Variants in CCDC197 observed in about 807,000 individuals in gnomAD.
CCDC197 encodes coiled-coil domain containing 197.
Under a neutral mutation model 13.4 loss-of-function variants are expected in CCDC197, and 24 were observed. The observed-to-expected ratio is 1.80, with a 90% CI of 1.30 to 2.53. The LOEUF (loss-of-function observed/expected upper bound fraction) is 2.53. Among genes scored for constraint, CCDC197 ranks in the 30% most tolerant of loss-of-function variants. The pLI is 0.00. For missense variants in CCDC197, 255 were observed against 148.8 expected (o/e 1.71, Z -3.71); for synonymous variants, 99 against 55.5 (o/e 1.78, Z -3.48).
upstream of CCDC197, among the ~76,000 whole-genome samples, chr14:93,994,898 C>A (rs1435839679): frequency 6.6e-6 from 1 of 152,188 alleles, no homozygotes; most frequent in Non-Finnish European, 1.5e-5. Flanking sequence ...GTGGGACCCC[C>A]TATCCATCAC....
At position 94,005,076 on chromosome 14, in the gene CCDC197, C is replaced by A. The variant is rs896767161; in HGVS notation, c.615+105C>A. On this transcript the variant is annotated intron_variant, in intron 6 of 6. Coordinates refer to ENST00000636493, the MANE Select transcript of CCDC197 (RefSeq NM_001351596.2). ...CAGGCTGCATTTGTGTTTAGCCCCC[C>A]ATCAGCTCTTCTTTCCATAGCTACA... 2.4e-5 allele frequency: 15 copies of A among 622,376 alleles called. 1 individual carries two copies. In the South Asian group the frequency reaches 2.6e-4, roughly 11 times the overall value. The allele number at this position is 622,376 out of a possible 1,614,324, so 38.6% of individuals were successfully genotyped here.
At chr14:94,008,294 G>A (rs2141392582) in intron 6 of CCDC197, among the ~76,000 whole-genome samples, 1 of 152,312 alleles carries the variant, frequency 6.6e-6, no homozygotes, top group Non-Finnish European at 1.5e-5. Flanking sequence ...GAGGGAGGCT[G>A]GGGACAGTCA....
rs1356741662 is a variant in CCDC197, at chr14:94,003,992, T to G, written c.498+638T>G. 6.6e-6 allele frequency among the ~76,000 whole-genome samples: 1 copy of G among 152,218 alleles called. No individual in the cohort carries two copies. Among genetic ancestry groups the G allele is most frequent in the Non-Finnish European group, 1.5e-5 (1 of 68,044 alleles). On this transcript the variant is annotated intron_variant, in intron 5 of 6. Transcript: ENST00000636493. The surrounding 1 kb of genome is among the most constrained non-coding windows in gnomAD (Gnocchi z 5.0). ...TGTACTGTCTTCAGTAAGGCTGGTG[T>G]CTCTCTGATCAGAGAGTCTGACCTG...
chr14:93,998,397 A>C (rs1350554213), intron 2 of CCDC197, among the ~76,000 whole-genome samples, 162 bp downstream of exon 2: 1 of 152,222 alleles, frequency 6.6e-6, no homozygotes, highest in East Asian at 1.9e-4. Flanking sequence ...GCTGAGCAAC[A>C]GCTGTGACGG....
At chr14:94,002,870 AAATT>A (rs1567043757) in intron 4 of CCDC197, among the ~76,000 whole-genome samples, 3 of 148,432 alleles carry the variant, frequency 2.0e-5, no homozygotes, top group African/African-American at 7.5e-5. Context: ...AAAAAAAACA[AAATT>A]ATAAAGAAAA....
chr14:94,007,260 C>A (rs2141389050), intron 6 of CCDC197: 1 of 152,304 alleles, frequency 6.6e-6, no homozygotes, highest in East Asian at 1.9e-4. Flanking sequence ...TTTTGCTCTA[C>A]TGTTTAGGTC....
intron 4 of CCDC197, among the ~76,000 whole-genome samples, chr14:94,002,297 A>AT (rs1238934738): frequency 9.6e-5 from 13 of 135,786 alleles, no homozygotes; most frequent in African/African-American, 3.3e-4. Flanking sequence ...TCTTTCTTTC[A>AT]TTTTTTTGGG....
chr14:93,995,483 T>A (rs1890265471), upstream of CCDC197, among the ~76,000 whole-genome samples: 1 of 152,128 alleles, frequency 6.6e-6, no homozygotes, highest in South Asian at 2.1e-4. Flanking sequence ...TCCCTGAGCC[T>A]CCATGGAGGA....
At chr14:94,009,067 A>C (rs1890766047), downstream of CCDC197, among the ~76,000 whole-genome samples, 1 of 152,170 alleles carries the variant, frequency 6.6e-6, no homozygotes, top group East Asian at 1.9e-4. Flanking sequence ...CCAGGCTGGA[A>C]GATCCTGGGC....
chr14:93,994,745 G>T (rs1015669053), upstream of CCDC197, among the ~76,000 whole-genome samples: 1 of 152,156 alleles, frequency 6.6e-6, no homozygotes, highest in Non-Finnish European at 1.5e-5. Flanking sequence ...TGGAATTTTT[G>T]AGCGTGGGAA....
intron 3 of CCDC197, chr14:94,000,860 G>C: frequency 3.1e-6 from 1 of 318,540 alleles, no homozygotes; most frequent in Admixed American, 5.0e-5. Context: ...TCTCCTTGAG[G>C]GCAGTCTCCC....
chr14:94,001,451 T>TG, intron 4 of CCDC197, 128 bp downstream of exon 4: 1 of 554,222 alleles, frequency 1.8e-6, no homozygotes, highest in Non-Finnish European at 3.2e-6. Context: ...GGGCCCTCGG[T>TG]GGGGCTGTCG....
chr14:93,990,597 G>A (rs1386478612), intron 1 of CCDC197, among the ~76,000 whole-genome samples: 1 of 152,206 alleles, frequency 6.6e-6, no homozygotes, highest in Non-Finnish European at 1.5e-5. Context: ...CCAAGGTCAG[G>A]TAGTCCCATG....
At chr14:93,991,760 G>C (rs557826564) in intron 1 of CCDC197, among the ~76,000 whole-genome samples, 78 of 152,302 alleles carry the variant, frequency 5.1e-4, no homozygotes, top group Middle Eastern at 3.4e-3. Context: ...GGAGGAGCTG[G>C]GATCTGGAAG....
chr14:93,996,780 C>T (rs1890325940), upstream of CCDC197, among the ~76,000 whole-genome samples: 1 of 152,170 alleles, frequency 6.6e-6, no homozygotes, highest in South Asian at 2.1e-4. Context: ...GGGCAAGAGG[C>T]CCAGCCCTCC....
At chr14:93,997,070 G>C (rs1890337646), upstream of CCDC197, 1 of 152,292 alleles carries the variant, frequency 6.6e-6, no homozygotes, top group South Asian at 2.1e-4. Context: ...GACCAGCCTT[G>C]ACAGAAAGGA....
intron 6 of CCDC197, among the ~76,000 whole-genome samples, chr14:94,005,978 T>G (rs1267842380): frequency 6.6e-6 from 1 of 152,242 alleles, no homozygotes; most frequent in African/African-American, 2.4e-5. Flanking sequence ...GTACACATTT[T>G]TATGCAGAGA....
chr14:94,001,845 C>T (rs1399744983), intron 4 of CCDC197: 1 of 152,714 alleles, frequency 6.5e-6, no homozygotes, highest in African/African-American at 2.4e-5. Context: ...GGCGTGGCAT[C>T]ATGAAGATTC....
Position 94,003,295 on chromosome 14 carries a change from C to CA in CCDC197, c.440dup (p.His147GlnfsTer10), listed in dbSNP as rs1890585721. 1 of 770,704 alleles carries CA rather than the reference C, an allele frequency of 1.3e-6. No homozygotes were observed. 47.7% of individuals were successfully genotyped at this position (770,704 alleles called of 1,614,324 possible). ...GCAGGAGCAGTGGTGGCAGCTGAAG[C>CA]ACAGCATCACTTACCAGAAGGACAT... On this transcript the variant is annotated frameshift_variant, in exon 5 of 7. Coordinates refer to ENST00000636493, the MANE Select transcript of CCDC197 (RefSeq NM_001351596.2). LOFTEE classifies it high-confidence loss of function. This position sits in a 1 kb window ranked among gnomAD's most constrained non-coding sequence, Gnocchi z 5.0.
Sources: allele counts gnomAD v4.1 joint callset (sites outside exome capture counted in the v4.1 genomes callset), GRCh38; gene constraint gnomAD v4.1.1; non-coding constraint Gnocchi (gnomAD v3.1); transcripts MANE v1.5; gene names NCBI Gene and HGNC (gene_info 2026-07-23, HGNC 2026-07-21).